Variants in ZNF106 observed in about 807,000 individuals in gnomAD.
ZNF106 encodes the protein zinc finger protein 106.
In ZNF106, 67 loss-of-function variants were observed where a neutral mutation model predicts 195.1. That is an observed-to-expected ratio of 0.34 (90% confidence interval 0.28 to 0.42). The LOEUF (loss-of-function observed/expected upper bound fraction) is 0.42. ZNF106 is among the 10% of genes least tolerant of loss of function. ZNF106 has a pLI of 1.00. For missense variants in ZNF106, 2,118 were observed against 2,304.5 expected (o/e 0.92, Z 1.66); for synonymous variants, 784 against 818.6 (o/e 0.96, Z 0.72).
At position 42,424,797 on chromosome 15, in the gene ZNF106, G is replaced by A. The variant is rs1369669746; in HGVS notation, c.5190+37C>T. On this transcript the variant is annotated intron_variant, in intron 16 of 21. Coordinates refer to ENST00000564754, the MANE Select transcript of ZNF106 (RefSeq NM_001366845.3). ...GCCTGGCCTCAAAACCCTTCTATTT[G>A]TGCCAGACAACTCCGATTCTCTTGC... 5 of 1,592,230 alleles carry A rather than the reference G, an allele frequency of 3.1e-6. No homozygotes were observed. The South Asian group carries it at 4.5e-5, about 14-fold the overall frequency.
chr15:42,423,381 AAG>A (rs902023287), intron 17 of ZNF106, among the ~76,000 whole-genome samples: 12 of 151,270 alleles, frequency 7.9e-5, no homozygotes, highest in African/African-American at 2.9e-4. Context: ...AAAAAAAAAA[AAG>A]AAAGAAAGAA....
intron 13 of ZNF106, among the ~76,000 whole-genome samples, chr15:42,436,957 A>G (rs530255354): frequency 6.6e-6 from 1 of 152,324 alleles, no homozygotes. Flanking sequence ...GGGAGGGAAA[A>G]AGAGACTCCA....
intron 3 of ZNF106, among the ~76,000 whole-genome samples, chr15:42,459,403 G>A (rs1240590907): frequency 6.6e-6 from 1 of 152,038 alleles, no homozygotes; most frequent in South Asian, 2.1e-4. Flanking sequence ...TTGAACCCAG[G>A]AGGCAGAGGT....
intron 3 of ZNF106, among the ~76,000 whole-genome samples, chr15:42,462,723 G>A (rs917894686): frequency 6.6e-6 from 1 of 152,188 alleles, no homozygotes; most frequent in African/African-American, 2.4e-5. Flanking sequence ...GTGGAGAGAA[G>A]ACTTTTACTT....
chr15:42,448,807 AAAGT>A lies in ZNF106; in HGVS notation c.2502-106_2502-103del, dbSNP rs1159285115. 3.9e-5 allele frequency: 49 copies of A among 1,260,142 alleles called. No individual in the cohort carries two copies. In the African/African-American group the frequency reaches 6.7e-4, roughly 17 times the overall value. 78.1% of individuals were successfully genotyped at this position (1,260,142 alleles called of 1,614,324 possible). A position where few individuals can be genotyped will look rare whatever the true frequency, so the allele number is the denominator to read the frequency against. On this transcript the variant is annotated intron_variant, in intron 5 of 21. Coordinates refer to ENST00000564754, the MANE Select transcript of ZNF106 (RefSeq NM_001366845.3). Reference sequence around the variant, plus strand: ...GCTCTCTCAAGCACTGAGGTTATAAAAAGTAAGGTGGCTCTTGCCTTCAAGGGGC... The same window carrying A: ...GCTCTCTCAAGCACTGAGGTTATAAAAAGGTGGCTCTTGCCTTCAAGGGGC...
chr15:42,416,894 TAA>T lies in ZNF106; in HGVS notation c.*408_*409del, dbSNP rs1566991117. On this transcript the variant is annotated 3_prime_UTR_variant, in exon 22 of 22. Transcript: ENST00000564754. ...TCTGGCACTTAAACAAACTTGTACT[TAA>T]AAGCCTGACTATAGGTTTAAACCAT... The T allele has an allele frequency of 0.02, 3,096 of 155,058 alleles. 113 individuals are homozygous for T. Among genetic ancestry groups the T allele is most frequent in the African/African-American group, 0.071 (2,944 of 41,662 alleles). The allele number at this position is 155,058 out of a possible 1,614,324, so 9.6% of individuals were successfully genotyped here.
chr15:42,484,938 C>T (rs558193315), intron 1 of ZNF106, among the ~76,000 whole-genome samples: 4 of 152,208 alleles, frequency 2.6e-5, no homozygotes, highest in Non-Finnish European at 4.4e-5. Flanking sequence ...GCGGGCGGAT[C>T]GGTAGAGTCC....
Position 42,451,899 on chromosome 15 carries a change from G to A in ZNF106, c.373C>T (p.Gln125Ter), listed in dbSNP as rs1344633395. The change falls in exon 5 of 22, where the codon CAA becomes TAA. Residue 125 changes from glutamine to a stop codon, truncating the protein, a stop_gained. Transcript: ENST00000564754. LOFTEE classifies it high-confidence loss of function. ...GGAATTCGGTCTTCTCGTCTCCATT[G>A]GGGTCGTCTGTCATCAGAGTTTATT... ...QEINSDDRRP[Q>*]WRREDRIPYQ... The A allele has an allele frequency of 1.2e-6, 2 of 1,613,930 alleles. No individual in the cohort carries two copies.
chr15:42,474,066 G>A (rs1487594989), intron 1 of ZNF106, among the ~76,000 whole-genome samples: 1 of 152,116 alleles, frequency 6.6e-6, no homozygotes, highest in African/African-American at 2.4e-5. Context: ...AGCCATCTTG[G>A]GGGCTCCAGG....
rs1051628067 is a variant in ZNF106, at chr15:42,412,966, A to C, written c.*4338T>G. 3 of 152,220 alleles carry C rather than the reference A, an allele frequency of 2.0e-5. No individual in the cohort carries two copies. Among genetic ancestry groups the C allele is most frequent in the African/African-American group, 7.2e-5 (3 of 41,450 alleles). 9.4% of individuals were successfully genotyped at this position (152,220 alleles called of 1,614,324 possible). A position where few individuals can be genotyped will look rare whatever the true frequency, so the allele number is the denominator to read the frequency against. Reference sequence around the variant, plus strand: ...TTGCAGTCAGGTGTCATCTGATTTCATTCTTCTAATCCATATTCAATATTA... The same window carrying C: ...TTGCAGTCAGGTGTCATCTGATTTCCTTCTTCTAATCCATATTCAATATTA... On this transcript the variant is annotated 3_prime_UTR_variant, in exon 22 of 22. Coordinates refer to ENST00000564754, the MANE Select transcript of ZNF106 (RefSeq NM_001366845.3).
At position 42,450,567 on chromosome 15, in the gene ZNF106, C is replaced by G; in HGVS notation, c.1705G>C (p.Glu569Gln). ...RKAKEVLQCHESLQNPLLSTS... is the reference protein window; with the variant it reads ...RKAKEVLQCHQSLQNPLLSTS... The stretch of plus-strand genomic sequence containing the variant: ...CTAAGAAGTGGATTTTGCAATGACT[C>G]ATGACACTGTAGCACCTCTTTGGCC... The change falls in exon 5 of 22, where the codon GAG becomes CAG. Residue 569 changes from glutamate (E) to glutamine (Q), a missense_variant. Glu to Gln is a conservative substitution (Grantham distance 29). Transcript: ENST00000564754. The G allele has an allele frequency of 1.2e-6, 2 of 1,614,192 alleles. No homozygotes were observed. Among genetic ancestry groups the G allele is most frequent in the Non-Finnish European group, 1.7e-6 (2 of 1,180,038 alleles).
intron 1 of ZNF106, among the ~76,000 whole-genome samples, chr15:42,475,042 T>C (rs568461632): frequency 6.6e-6 from 1 of 152,240 alleles, no homozygotes; most frequent in Non-Finnish European, 1.5e-5. Flanking sequence ...CTAGATAATA[T>C]GGCAGAAGGA....
chr15:42,464,697 T>G (rs2056474242), intron 3 of ZNF106, among the ~76,000 whole-genome samples: 1 of 151,856 alleles, frequency 6.6e-6, no homozygotes, highest in Admixed American at 6.6e-5. Context: ...CAGCTAATTT[T>G]GGGGGTTTTT....
chr15:42,450,846 G>C lies in ZNF106; in HGVS notation c.1426C>G (p.Pro476Ala). 1 of 1,614,096 alleles carries C rather than the reference G, an allele frequency of 6.2e-7. No individual in the cohort carries two copies. The highest frequency in any genetic ancestry group is 8.5e-7 in the Non-Finnish European group (1 of 1,180,012). ...TPNKMPSLKS[P>A]LLPCPATKSL... ...TTAGTGGCTGGACATGGAAGGAGTG[G>C]GGATTTCAATGATGGCATTTTATTT... The change falls in exon 5 of 22, where the codon CCA becomes GCA. Residue 476 changes from proline (P) to alanine (A), a missense_variant. By Grantham distance (27) the Pro-to-Ala change is conservative. Coordinates refer to ENST00000564754, the MANE Select transcript of ZNF106 (RefSeq NM_001366845.3).
intron 1 of ZNF106, among the ~76,000 whole-genome samples, chr15:42,482,648 C>T (rs952471699): frequency 3.3e-5 from 5 of 151,296 alleles, no homozygotes; most frequent in Non-Finnish European, 5.9e-5. Flanking sequence ...CCTGCCTCAG[C>T]CTCCTGAGTA....
At chr15:42,464,522 CTTTTTT>C (rs928173954) in intron 3 of ZNF106, among the ~76,000 whole-genome samples, 4 of 113,478 alleles carry the variant, frequency 3.5e-5, no homozygotes, top group Non-Finnish European at 5.1e-5. Context: ...ACACATGCTA[CTTTTTT>C]TTTTTTTTTT....
Position 42,466,115 on chromosome 15 carries a change from C to T in ZNF106, c.55-1G>A. On this transcript the variant is annotated splice_acceptor_variant, in intron 2 of 21. Transcript: ENST00000564754. LOFTEE classifies it high-confidence loss of function. ...TGCTCCGCATGTGTTCGTCCATCTC[C>T]TTCAAAATAAAAGAAAGTAGATTAA... The T allele has an allele frequency of 6.5e-7, 1 of 1,528,110 alleles. No individual in the cohort carries two copies. The highest frequency in any genetic ancestry group is 8.7e-7 in the Non-Finnish European group (1 of 1,143,346). The allele number at this position is 1,528,110 out of a possible 1,614,324, so 94.7% of individuals were successfully genotyped here.
rs774440175 is a variant in ZNF106 at position 42,439,440 on chromosome 15, C to T, written c.4137G>A (p.Arg1379=). The T allele has an allele frequency of 3.7e-6, 6 of 1,613,512 alleles. No homozygotes were observed. In the Admixed American group the frequency reaches 1.0e-4, roughly 27 times the overall value. ...GGGCAGCCCGTAGACTTTTCTTCTT[C>T]CGGAGTTTCTTCTTTTTCTTGCTTC... ...TRGSKKKKKL[R]KKKSLRAAHV... The change falls in exon 11 of 22, where the codon CGG becomes CGA. Residue 1379 remains arginine, a synonymous_variant. Transcript: ENST00000564754.
At chr15:42,463,080 C>T (rs973788414) in intron 3 of ZNF106, among the ~76,000 whole-genome samples, 5 of 151,826 alleles carry the variant, frequency 3.3e-5, no homozygotes, top group African/African-American at 7.3e-5. Context: ...ATTATAGGCA[C>T]GAGCACCGCG....
Sources: gnomAD v4.1 joint callset for allele counts (sites outside exome capture counted in the v4.1 genomes callset) on GRCh38, gnomAD v4.1.1 for gene constraint, MANE v1.5 for transcripts, NCBI Gene and HGNC (gene_info 2026-07-23, HGNC 2026-07-21) for gene names.